OTUD7A: variants seen among roughly 807,000 people sequenced by gnomAD.
OTUD7A encodes the protein OTU deubiquitinase 7A, also known as OTU domain-containing protein 7A.
A neutral mutation model predicts 65.7 loss-of-function variants in OTUD7A; 12 were observed. That is an observed-to-expected ratio of 0.18 (90% CI 0.12 to 0.30). The LOEUF (loss-of-function observed/expected upper bound fraction) is 0.30, where lower values mean the gene tolerates loss of function less well. OTUD7A is among the 10% of genes least tolerant of loss of function. OTUD7A has a pLI of 1.00. For synonymous variants in OTUD7A, 641 were observed against 586.3 expected (o/e 1.09, Z -1.35); for missense variants, 1,148 against 1,304.8 (o/e 0.88, Z 1.85).
intron 1 of OTUD7A, among the ~76,000 whole-genome samples, chr15:31,740,500 C>T (rs1469656614): frequency 6.6e-6 from 1 of 151,948 alleles, no homozygotes; most frequent in African/African-American, 2.4e-5. Context: ...CCACTGCCTT[C>T]CCAGAGGAAG....
intron 3 of OTUD7A, among the ~76,000 whole-genome samples, chr15:31,591,022 GA>G (rs1413435844): frequency 6.6e-6 from 1 of 152,134 alleles, no homozygotes; most frequent in Non-Finnish European, 1.5e-5. Flanking sequence ...CATGGACTGG[GA>G]TGACTGAGAG....
intron 1 of OTUD7A, among the ~76,000 whole-genome samples, chr15:31,672,371 TCTTAA>T (rs1892503435): frequency 6.6e-6 from 1 of 152,224 alleles, no homozygotes. Flanking sequence ...GATTTATCCA[TCTTAA>T]CTTGGTTTTC....
Position 31,484,452 on chromosome 15 carries a change from G to A in OTUD7A, c.1644C>T (p.Gly548=). ...TGGCGGAGTTGGCGCGGCCCATCTT[G>A]CCGTGCACCAGGCCGCCGAGGCCGC... ...NMGGLGGLVH[G]KMGRANSANG... is the part of the protein sequence containing the mutation. The change falls in exon 13 of 13, where the codon GGC becomes GGT. Residue 548 remains glycine, a synonymous_variant. Transcript: ENST00000307050. The surrounding 1 kb of genome is among the most constrained non-coding windows in gnomAD (Gnocchi z 4.5). 2 of 1,604,640 alleles carry A rather than the reference G, an allele frequency of 1.2e-6. No homozygotes were observed. Among genetic ancestry groups the A allele is most frequent in the Non-Finnish European group, 1.7e-6 (2 of 1,179,912 alleles).
chr15:31,820,114 A>G (rs551836975), intron 1 of OTUD7A, among the ~76,000 whole-genome samples: 8 of 152,352 alleles, frequency 5.3e-5, no homozygotes, highest in South Asian at 2.1e-4. Flanking sequence ...TTAATACTTC[A>G]TATCACAGGA....
At chr15:31,858,321 C>T (rs964815660) in intron 1 of OTUD7A, among the ~76,000 whole-genome samples, 5 of 152,136 alleles carry the variant, frequency 3.3e-5, no homozygotes, top group African/African-American at 1.2e-4. Flanking sequence ...ATGCCTGAGC[C>T]CTGAGGTCCA....
chr15:31,681,981 G>A lies in OTUD7A; in HGVS notation c.-99-24904C>T, dbSNP rs188301459. On this transcript the variant is annotated intron_variant, in intron 1 of 12. Transcript: ENST00000307050. ...AGACAAGATGGTGTCAGGCACAAGG[G>A]AAGGGCACCCATGCTAGACTGGAGT... Among the ~76,000 whole-genome samples the A allele has an allele frequency of 5.2e-3, 794 of 152,246 alleles. 5 individuals are homozygous for A. Among genetic ancestry groups the A allele is most frequent in the Non-Finnish European group, 8.7e-3 (592 of 68,030 alleles).
chr15:31,825,615 A>C (rs1387615786), intron 1 of OTUD7A, among the ~76,000 whole-genome samples: 1 of 152,084 alleles, frequency 6.6e-6, no homozygotes, highest in Non-Finnish European at 1.5e-5. Context: ...CACATTTCAA[A>C]ACCAATCATG....
At chr15:31,594,756 C>A (rs1360786165) in intron 3 of OTUD7A, among the ~76,000 whole-genome samples, 5 of 152,184 alleles carry the variant, frequency 3.3e-5, no homozygotes, top group African/African-American at 1.2e-4. Flanking sequence ...CCGCTCTTCC[C>A]AGGTTGCCTG....
chr15:31,734,765 TAA>T (rs2141365513), intron 1 of OTUD7A, among the ~76,000 whole-genome samples: 1 of 151,872 alleles, frequency 6.6e-6, no homozygotes, highest in East Asian at 1.9e-4. Flanking sequence ...CAAGATGGAT[TAA>T]AGACTTAAAT....
chr15:31,600,699 C>T (rs1890047137), intron 3 of OTUD7A, among the ~76,000 whole-genome samples: 1 of 152,148 alleles, frequency 6.6e-6, no homozygotes, highest in African/African-American at 2.4e-5. Context: ...CATCAGTGTG[C>T]TGTATTCAGA....
chr15:31,659,354 T>C (rs752535261), intron 1 of OTUD7A, among the ~76,000 whole-genome samples: 4 of 152,046 alleles, frequency 2.6e-5, no homozygotes, highest in Non-Finnish European at 5.9e-5. Context: ...GCCAGCTGCC[T>C]GAGAGCTGGG....
intron 1 of OTUD7A, among the ~76,000 whole-genome samples, chr15:31,790,948 A>G (rs1053361122): frequency 1.3e-5 from 2 of 152,196 alleles, no homozygotes; most frequent in African/African-American, 4.8e-5. Context: ...CACAGTATTC[A>G]TGGTAGAAAT....
chr15:31,648,315 G>T (rs1245146846), intron 3 of OTUD7A, among the ~76,000 whole-genome samples: 1 of 152,158 alleles, frequency 6.6e-6, no homozygotes, highest in African/African-American at 2.4e-5. Context: ...TAAAACAATA[G>T]CCAGGGAAGT....
At chr15:31,665,104 TTTG>T (rs144651655) in intron 1 of OTUD7A, among the ~76,000 whole-genome samples, 48 of 152,296 alleles carry the variant, frequency 3.2e-4, no homozygotes, top group African/African-American at 1.1e-3. Context: ...TGCCTCCAAA[TTTG>T]TTCTTTTTGC....
intron 1 of OTUD7A, among the ~76,000 whole-genome samples, chr15:31,845,054 G>C (rs1567052041): frequency 2.6e-5 from 4 of 152,210 alleles, no homozygotes; most frequent in Admixed American, 2.6e-4. Flanking sequence ...TCGATAGGAG[G>C]CACCCTCCAT....
intron 3 of OTUD7A, among the ~76,000 whole-genome samples, chr15:31,593,506 C>G (rs77625090): frequency 0.021 from 3,141 of 152,118 alleles, 102 homozygotes; most frequent in African/African-American, 0.073. Flanking sequence ...TATAATTGGC[C>G]TATGTTTAAA....
chr15:31,774,597 G>A (rs889053455), intron 1 of OTUD7A, among the ~76,000 whole-genome samples: 1 of 152,172 alleles, frequency 6.6e-6, no homozygotes, highest in Non-Finnish European at 1.5e-5. Flanking sequence ...CATAAACACA[G>A]TCAGGTGCAT....
In OTUD7A at chr15:31,677,077, T is replaced by C. The variant is rs1892610548; in HGVS notation, c.-99-20000A>G. Among the ~76,000 whole-genome samples, 5 of 152,246 alleles carry C rather than the reference T, an allele frequency of 3.3e-5. No individual in the cohort carries two copies. The South Asian group carries it at 8.3e-4, about 25-fold the overall frequency. On this transcript the variant is annotated intron_variant, in intron 1 of 12. Transcript: ENST00000307050. Reference sequence around the variant, plus strand: ...CCACGTGACTTAAGTTCCATGAAAATAGAATATGGCATGGAAGGAACGTGA... The same window carrying C: ...CCACGTGACTTAAGTTCCATGAAAACAGAATATGGCATGGAAGGAACGTGA...
intron 3 of OTUD7A, among the ~76,000 whole-genome samples, chr15:31,599,467 C>T (rs774822030): frequency 3.9e-5 from 6 of 152,066 alleles, no homozygotes; most frequent in Admixed American, 6.6e-5. Context: ...CACATTCACT[C>T]AGAGATCCCA....
Sources: allele counts gnomAD v4.1 joint callset (sites outside exome capture counted in the v4.1 genomes callset), GRCh38; gene constraint gnomAD v4.1.1; non-coding constraint Gnocchi (gnomAD v3.1); transcripts MANE v1.5; gene names NCBI Gene and HGNC (gene_info 2026-07-23, HGNC 2026-07-21).